The following PLEKHG1 variants were observed in gnomAD, a reference collection of about 807,000 sequenced individuals.
The protein encoded by PLEKHG1 is pleckstrin homology domain-containing family G member 1.
In PLEKHG1, 44 loss-of-function variants were observed where a neutral mutation model predicts 100.8. The ratio of observed to expected loss-of-function variants is 0.44; its 90% CI spans 0.34 to 0.56. The LOEUF (loss-of-function observed/expected upper bound fraction) is 0.56. Among genes scored for constraint, PLEKHG1 ranks in the 20% least tolerant of loss-of-function variants. PLEKHG1 has a pLI of 0.01. For synonymous variants in PLEKHG1, 640 were observed against 662.5 expected (o/e 0.97, Z 0.52); for missense variants, 1,545 against 1,720.9 (o/e 0.90, Z 1.81).
At chr6:150,660,866 C>T (rs1247673644) in intron 3 of PLEKHG1, among the ~76,000 whole-genome samples, 1 of 152,134 alleles carries the variant, frequency 6.6e-6, no homozygotes, top group Admixed American at 6.5e-5. Flanking sequence ...TTAATTTTGC[C>T]AGTGTTTTGC....
At chr6:150,809,573 C>A in intron 9 of PLEKHG1, 75 bp from the exon 11 acceptor site, 2 of 1,490,940 alleles carry the variant, frequency 1.3e-6, no homozygotes, top group South Asian at 1.1e-5. Flanking sequence ...GCCACATGGT[C>A]ATTTCCCATC....
At chr6:150,712,134 A>C (rs987880928) in intron 3 of PLEKHG1, among the ~76,000 whole-genome samples, 1 of 152,196 alleles carries the variant, frequency 6.6e-6, no homozygotes, top group East Asian at 1.9e-4. Context: ...GGGACAATCT[A>C]TAGGGATCCC....
At chr6:150,820,910 G>A (rs1776257040) in intron 12 of PLEKHG1, among the ~76,000 whole-genome samples, 1 of 152,166 alleles carries the variant, frequency 6.6e-6, no homozygotes, top group South Asian at 2.1e-4. Flanking sequence ...ATAGGTGTTA[G>A]TGAAGCTGAG....
At chr6:150,840,488 G>A (rs1244674716) in exon 16 of PLEKHG1, 4 of 1,614,128 alleles carry the variant, frequency 2.5e-6, no homozygotes, top group Admixed American at 1.7e-5. Flanking sequence ...AAGTTGTGGT[G>A]GTCAATAGAA....
chr6:150,709,199 G>GGT (rs1438206861), intron 3 of PLEKHG1, among the ~76,000 whole-genome samples: 1 of 152,168 alleles, frequency 6.6e-6, no homozygotes, highest in Non-Finnish European at 1.5e-5. Context: ...CGGGCATGGT[G>GGT]GTGGGAGCCT....
intron 2 of PLEKHG1, among the ~76,000 whole-genome samples, chr6:150,739,569 G>A (rs1223784158): frequency 6.6e-6 from 1 of 152,010 alleles, no homozygotes; most frequent in African/African-American, 2.4e-5. Context: ...TTAGAAGGCT[G>A]AGGCAGGAGA....
At chr6:150,692,253 C>T (rs890379288) in intron 3 of PLEKHG1, among the ~76,000 whole-genome samples, 11 of 152,298 alleles carry the variant, frequency 7.2e-5, no homozygotes, top group Middle Eastern at 3.4e-3. Flanking sequence ...TAAATAATGG[C>T]AATGACTATA....
intron 1 of PLEKHG1, among the ~76,000 whole-genome samples, chr6:150,609,858 G>T (rs1391796260): frequency 6.6e-6 from 1 of 152,206 alleles, no homozygotes; most frequent in African/African-American, 2.4e-5. Context: ...GAAAGAACGT[G>T]TGGGGCTTGG....
intron 1 of PLEKHG1, among the ~76,000 whole-genome samples, chr6:150,731,003 T>G (rs912812080): frequency 6.6e-6 from 1 of 152,050 alleles, no homozygotes; most frequent in Non-Finnish European, 1.5e-5. Context: ...CCCAAGTGAG[T>G]GCCCATTTCC....
chr6:150,765,971 T>C (rs916305244), intron 2 of PLEKHG1, among the ~76,000 whole-genome samples: 10 of 152,206 alleles, frequency 6.6e-5, no homozygotes, highest in Non-Finnish European at 1.5e-4. Context: ...TCAGATCTAC[T>C]TGGATATCTA....
rs552366098 is a variant in PLEKHG1, at chr6:150,623,276, A to G, written c.-203-14804A>G. On this transcript the variant is annotated intron_variant, in intron 1 of 3. Transcript: ENST00000367326. ...AAGTCTTGTTTCATTTCATTTTGCA[A>G]GTTAAATAACCTTGGGGAAAAACAC... Among the ~76,000 whole-genome samples the G allele has an allele frequency of 2.7e-4, 41 of 152,314 alleles. 2 individuals are homozygous for G. In the South Asian group the frequency reaches 6.8e-3, roughly 25 times the overall value.
At chr6:150,838,457 T>C (rs1379886994) in intron 15 of PLEKHG1, among the ~76,000 whole-genome samples, 1 of 152,242 alleles carries the variant, frequency 6.6e-6, no homozygotes, top group African/African-American at 2.4e-5. Context: ...GTGTATTTTA[T>C]GTGTGTCCCA....
At chr6:150,730,379 G>A (rs1330314115) in intron 1 of PLEKHG1, among the ~76,000 whole-genome samples, 1 of 152,002 alleles carries the variant, frequency 6.6e-6, no homozygotes, top group Non-Finnish European at 1.5e-5. Flanking sequence ...GGATGAAACG[G>A]TTCCACCTCG....
intron 3 of PLEKHG1, among the ~76,000 whole-genome samples, chr6:150,677,306 G>A (rs559879127): frequency 0.12 from 17,779 of 150,908 alleles, 1,247 homozygotes; most frequent in African/African-American, 0.2. Flanking sequence ...ACACACACGC[G>A]CGCGCGCACA....
intron 2 of PLEKHG1, among the ~76,000 whole-genome samples, chr6:150,648,001 CA>C (rs1778572609): frequency 6.6e-6 from 1 of 151,850 alleles, no homozygotes; most frequent in Admixed American, 6.6e-5. Context: ...AGTACATTTG[CA>C]TTTTTCATCA....
intron 1 of PLEKHG1, 32 bp from the exon 3 acceptor site, chr6:150,733,552 C>T (rs1222328141): frequency 6.5e-7 from 1 of 1,543,582 alleles, no homozygotes; most frequent in Non-Finnish European, 8.7e-7. Context: ...AATTGCTTAT[C>T]TTGTCCTTTT....
At chr6:150,617,985 AGT>A (rs973108275) in intron 1 of PLEKHG1, among the ~76,000 whole-genome samples, 12 of 152,210 alleles carry the variant, frequency 7.9e-5, no homozygotes, top group African/African-American at 2.9e-4. Flanking sequence ...CATGCGTGTG[AGT>A]GTGTATGCAC....
At chr6:150,686,268 C>T (rs1316158222) in intron 3 of PLEKHG1, among the ~76,000 whole-genome samples, 1 of 152,222 alleles carries the variant, frequency 6.6e-6, no homozygotes, top group African/African-American at 2.4e-5. Flanking sequence ...TTTATTAAAT[C>T]TCTTAACCAA....
intron 2 of PLEKHG1, among the ~76,000 whole-genome samples, chr6:150,644,355 T>TTTTTTTTTTTTTTTTTAG: frequency 6.7e-6 from 1 of 148,724 alleles, no homozygotes; most frequent in East Asian, 2.0e-4. Context: ...TTTTTTTTGT[T>TTTTTTTTTTTTTTTTTAG]ACAGAGTCTC....
Sources: allele counts gnomAD v4.1 joint callset (sites outside exome capture counted in the v4.1 genomes callset), GRCh38; gene constraint gnomAD v4.1.1; transcripts MANE v1.5; gene names NCBI Gene and HGNC (gene_info 2026-07-23, HGNC 2026-07-21).